The following NRG3 variants were observed in gnomAD, a reference collection of about 807,000 sequenced individuals.
The protein encoded by NRG3 is pro-neuregulin-3, membrane-bound isoform.
Under a neutral mutation model 66.9 loss-of-function variants are expected in NRG3, and 31 were observed. The observed-to-expected ratio is 0.46, with a 90% CI of 0.35 to 0.63. The LOEUF is 0.63. Among genes scored for constraint, NRG3 ranks in the 20% least tolerant of loss-of-function variants. The probability of loss-of-function intolerance (pLI) is 0.00; values close to 1 mark genes in which losing one functional copy is unlikely to be tolerated. For missense variants in NRG3, 910 were observed against 878.9 expected (o/e 1.04, Z -0.45); for synonymous variants, 393 against 359.4 (o/e 1.09, Z -1.06).
chr10:82,732,496 A>G (rs904882589), intron 2 of NRG3, among the ~76,000 whole-genome samples: 1 of 152,230 alleles, frequency 6.6e-6, no homozygotes, highest in African/African-American at 2.4e-5. Context: ...TTTAAGGTCA[A>G]TCACAGCTGA....
chr10:82,537,787 C>A (rs1405791692), intron 2 of NRG3, among the ~76,000 whole-genome samples: 4 of 151,888 alleles, frequency 2.6e-5, no homozygotes, highest in Non-Finnish European at 5.9e-5. Context: ...ATAGATTTAC[C>A]ACTTGACCTC....
chr10:81,922,590 A>G (rs890012178), intron 1 of NRG3, among the ~76,000 whole-genome samples: 1 of 152,184 alleles, frequency 6.6e-6, no homozygotes, highest in African/African-American at 2.4e-5. Context: ...CAAGACATTG[A>G]TTTAATAATT....
intron 2 of NRG3, among the ~76,000 whole-genome samples, chr10:82,655,480 A>G (rs1186877320): frequency 1.3e-5 from 2 of 152,166 alleles, no homozygotes; most frequent in Admixed American, 1.3e-4. Flanking sequence ...ATAATTAGAC[A>G]TGAATTTTCC....
intron 1 of NRG3, among the ~76,000 whole-genome samples, chr10:82,183,788 A>C (rs1366035652): frequency 6.6e-6 from 1 of 152,032 alleles, no homozygotes; most frequent in African/African-American, 2.4e-5. Flanking sequence ...AATCTCCCAG[A>C]ACAAAGAATT....
At chr10:82,221,090 A>G (rs2075917564) in intron 1 of NRG3, among the ~76,000 whole-genome samples, 1 of 152,224 alleles carries the variant, frequency 6.6e-6, no homozygotes, top group Admixed American at 6.5e-5. Context: ...GGAAGTCCTA[A>G]GTAGGTATTC....
At chr10:82,708,552 C>T (rs1239605994) in intron 2 of NRG3, among the ~76,000 whole-genome samples, 2 of 152,082 alleles carry the variant, frequency 1.3e-5, no homozygotes, top group Non-Finnish European at 2.9e-5. Flanking sequence ...TACCACCTTT[C>T]GATTTACAAA....
At chr10:81,977,484 A>C (rs765519878) in intron 1 of NRG3, among the ~76,000 whole-genome samples, 1 of 152,226 alleles carries the variant, frequency 6.6e-6, no homozygotes, top group Non-Finnish European at 1.5e-5. Flanking sequence ...GTGTTGGCTG[A>C]GTTAATCACT....
At chr10:82,697,571 T>A (rs1481791409) in intron 2 of NRG3, among the ~76,000 whole-genome samples, 1 of 152,218 alleles carries the variant, frequency 6.6e-6, no homozygotes, top group African/African-American at 2.4e-5. Context: ...GTCAGTAGAT[T>A]GTCTAAAATA....
chr10:82,814,385 A>T (rs1298642159), intron 3 of NRG3, among the ~76,000 whole-genome samples: 1 of 152,206 alleles, frequency 6.6e-6, no homozygotes, highest in East Asian at 1.9e-4. Context: ...GATTAATTTT[A>T]TAAATAATAT....
intron 4 of NRG3, among the ~76,000 whole-genome samples, chr10:82,949,846 C>G (rs1046171505): frequency 6.6e-6 from 1 of 151,642 alleles, no homozygotes; most frequent in African/African-American, 2.4e-5. Flanking sequence ...CAGAGCAAGA[C>G]TCTATATCAA....
intron 2 of NRG3, among the ~76,000 whole-genome samples, chr10:82,514,307 T>C (rs142595817): frequency 6.6e-6 from 1 of 152,322 alleles, no homozygotes; most frequent in African/African-American, 2.4e-5. Flanking sequence ...TCTAGGGTTT[T>C]TGTAGTTTTG....
intron 1 of NRG3, among the ~76,000 whole-genome samples, chr10:82,316,510 A>G (rs191849827): frequency 2.0e-4 from 31 of 152,248 alleles, no homozygotes; most frequent in African/African-American, 6.3e-4. Flanking sequence ...ATTTTTGCCT[A>G]CGGACCCTTT....
chr10:82,408,090 A>AGAAAGAAAGAAG lies in NRG3; in HGVS notation c.953+49233_953+49234insGGAAAGAAAGAA, dbSNP rs1277246513. Among the ~76,000 whole-genome samples, 143 of 65,226 alleles carry AGAAAGAAAGAAG rather than the reference A, an allele frequency of 2.2e-3. 3 individuals are homozygous for AGAAAGAAAGAAG. Among genetic ancestry groups the AGAAAGAAAGAAG allele is most frequent in the African/African-American group, 7.8e-3 (140 of 18,064 alleles). 42.8% of individuals were successfully genotyped at this position (65,226 alleles called of 152,430 possible). A position where few individuals can be genotyped will look rare whatever the true frequency, so the allele number is the denominator to read the frequency against. ...GAGAGAGAGAGAGAGAGAGACAGAAAGAAAGAAAGAAAGAAAGAAAGAAAG... is the reference window on the plus strand; with the variant it reads ...GAGAGAGAGAGAGAGAGAGACAGAAAGAAAGAAAGAAGGAAAGAAAGAAAGAAAGAAAGAAAG... On this transcript the variant is annotated intron_variant, in intron 2 of 8. Coordinates refer to ENST00000372141, the MANE Select transcript of NRG3 (RefSeq NM_001010848.4).
intron 2 of NRG3, among the ~76,000 whole-genome samples, chr10:82,628,751 G>C (rs897347338): frequency 6.6e-6 from 1 of 152,154 alleles, no homozygotes. Flanking sequence ...GAACAGTTAC[G>C]GAAGTAGGAG....
Position 82,089,525 on chromosome 10 carries a change from A to G in NRG3, c.823+213362A>G, listed in dbSNP as rs577466030. 6.6e-5 allele frequency among the ~76,000 whole-genome samples: 10 copies of G among 152,262 alleles called. No homozygotes were observed. In the South Asian group the frequency reaches 8.3e-4, roughly 13 times the overall value. ...AGCCAGGGGGTGGAGTGGTGAGCCT[A>G]ATTCCCAGCTCTTAGACAATGAGAT... On this transcript the variant is annotated intron_variant, in intron 1 of 8. Transcript: ENST00000372141.
chr10:82,721,486 G>A (rs562283169), intron 2 of NRG3, among the ~76,000 whole-genome samples: 5 of 151,804 alleles, frequency 3.3e-5, no homozygotes, highest in South Asian at 4.2e-4. Flanking sequence ...GCAATGGCAC[G>A]ATCTTGGCTC....
chr10:82,290,243 T>C (rs1348782252), intron 1 of NRG3, among the ~76,000 whole-genome samples: 2 of 152,220 alleles, frequency 1.3e-5, no homozygotes, highest in East Asian at 3.9e-4. Context: ...AGCCTCACTG[T>C]TACAATTACT....
intron 3 of NRG3, among the ~76,000 whole-genome samples, chr10:82,804,008 C>G (rs1203793859): frequency 6.6e-6 from 1 of 152,104 alleles, no homozygotes; most frequent in African/African-American, 2.4e-5. Context: ...GTCCCTTTGT[C>G]CAGCACATCC....
intron 1 of NRG3, among the ~76,000 whole-genome samples, chr10:81,892,310 T>G (rs1050517500): frequency 2.0e-5 from 3 of 152,010 alleles, no homozygotes; most frequent in East Asian, 1.9e-4. Flanking sequence ...TCCAAAAATA[T>G]ATATATACAT....
Sources: gnomAD v4.1 joint callset for allele counts (sites outside exome capture counted in the v4.1 genomes callset) on GRCh38, gnomAD v4.1.1 for gene constraint, MANE v1.5 for transcripts, NCBI Gene and HGNC (gene_info 2026-07-23, HGNC 2026-07-21) for gene names.